ALK: variants seen among roughly 807,000 people sequenced by gnomAD.
The protein encoded by ALK is ALK tyrosine kinase receptor.
In ALK, 74 loss-of-function variants were observed where a neutral mutation model predicts 163.1. The observed-to-expected ratio is 0.45, with a 90% CI of 0.38 to 0.55. The LOEUF (loss-of-function observed/expected upper bound fraction) is 0.55. Among genes scored for constraint, ALK ranks in the 20% least tolerant of loss-of-function variants. The probability of loss-of-function intolerance (pLI) is 0.00; values close to 1 mark genes in which losing one functional copy is unlikely to be tolerated. For synonymous variants in ALK, 960 were observed against 843.2 expected, an observed-to-expected ratio of 1.14 and a Z score of -2.40; for missense variants, 2,063 against 2,105.3, an observed-to-expected ratio of 0.98 and a Z score of 0.39.
At chr2:29,395,032 C>T (rs1486354079) in intron 4 of ALK, among the ~76,000 whole-genome samples, 3 of 152,156 alleles carry the variant, frequency 2.0e-5, no homozygotes, top group Admixed American at 1.3e-4. Flanking sequence ...TCATCCAGGG[C>T]CCCCACTTCA....
At chr2:29,539,492 C>T (rs1558374589) in intron 3 of ALK, among the ~76,000 whole-genome samples, 1 of 152,182 alleles carries the variant, frequency 6.6e-6, no homozygotes, top group East Asian at 1.9e-4. Flanking sequence ...AATCTACAGA[C>T]AATTATTGTT....
At chr2:29,697,502 A>G (rs760876471) in intron 2 of ALK, among the ~76,000 whole-genome samples, 4 of 152,024 alleles carry the variant, frequency 2.6e-5, no homozygotes, top group Non-Finnish European at 5.9e-5. Context: ...CTCATTGTCC[A>G]CTCCCCAAAG....
chr2:29,543,983 G>A (rs2148168649), intron 3 of ALK, among the ~76,000 whole-genome samples: 1 of 152,262 alleles, frequency 6.6e-6, no homozygotes, highest in East Asian at 1.9e-4. Flanking sequence ...ATGCATGGAT[G>A]GATGGATTTC....
chr2:29,242,630 C>G (rs1218274884), intron 12 of ALK, among the ~76,000 whole-genome samples: 1 of 152,138 alleles, frequency 6.6e-6, no homozygotes, highest in African/African-American at 2.4e-5. Context: ...TCTGCTGGTT[C>G]TTGTCCCCGT....
chr2:29,877,053 A>G (rs113758378), intron 1 of ALK, among the ~76,000 whole-genome samples: 14 of 152,334 alleles, frequency 9.2e-5, no homozygotes, highest in East Asian at 3.9e-4. Flanking sequence ...AGCTAATCCA[A>G]TCCAACATAT....
chr2:29,430,678 A>G (rs1214704979), intron 4 of ALK, among the ~76,000 whole-genome samples: 1 of 152,236 alleles, frequency 6.6e-6, no homozygotes. Context: ...AATGGAATCT[A>G]TGGGCATACC....
intron 1 of ALK, among the ~76,000 whole-genome samples, chr2:29,742,649 A>G (rs1413314667): frequency 5.3e-5 from 8 of 152,350 alleles, no homozygotes; most frequent in Non-Finnish European, 1.0e-4. Flanking sequence ...ACCATAGCTC[A>G]GGGCCAGGGA....
At chr2:29,438,557 T>A (rs1055399590) in intron 4 of ALK, among the ~76,000 whole-genome samples, 12 of 152,186 alleles carry the variant, frequency 7.9e-5, no homozygotes, top group African/African-American at 2.9e-4. Flanking sequence ...TTCAAACATT[T>A]TAAAATTCAA....
In ALK at chr2:29,629,649, CAAT is replaced by C. The variant is rs1368414544; in HGVS notation, c.952+65198_952+65200del. On this transcript the variant is annotated intron_variant, in intron 3 of 28. Coordinates refer to ENST00000389048, the MANE Select transcript of ALK (RefSeq NM_004304.5). ...ATTAAGCACTGTCTTTCAACCACAA[CAAT>C]GTTAATACCATCTAACATTACTGAG... Among the ~76,000 whole-genome samples the C allele has an allele frequency of 3.9e-5, 6 of 152,290 alleles. No homozygotes were observed. The East Asian group carries it at 7.7e-4, about 20-fold the overall frequency.
chr2:29,293,852 C>T (rs1157696110), intron 9 of ALK, among the ~76,000 whole-genome samples: 1 of 14,272 alleles, frequency 7.0e-5, no homozygotes, highest in Non-Finnish European at 4.4e-4. Flanking sequence ...TTTCCAATAC[C>T]GTTGACTAGA....
intron 4 of ALK, among the ~76,000 whole-genome samples, chr2:29,470,384 G>C (rs1198257552): frequency 3.3e-5 from 5 of 152,120 alleles, no homozygotes; most frequent in Non-Finnish European, 5.9e-5. Flanking sequence ...ACTTCTCTGT[G>C]AGTCCCACAT....
At chr2:29,235,856 C>CTTTT (rs569363324) in intron 13 of ALK, among the ~76,000 whole-genome samples, 801 of 38,266 alleles carry the variant, frequency 0.021, 149 homozygotes, top group Non-Finnish European at 0.028. Context: ...CCAGGCTCGA[C>CTTTT]TTTTTTTTTT....
rs547185553 is a variant in ALK at position 29,232,742 on chromosome 2, T to C, written c.2488-294A>G. Among the ~76,000 whole-genome samples the C allele has an allele frequency of 2.0e-5, 3 of 152,328 alleles. No homozygotes were observed. The East Asian group carries it at 5.8e-4, about 29-fold the overall frequency. Reference sequence around the variant, plus strand: ...CTTAGAGGCTGCTTCCTCTACTTCCTCTAGCCCCTTTCCTGAAGCTCCTTA... The same window carrying C: ...CTTAGAGGCTGCTTCCTCTACTTCCCCTAGCCCCTTTCCTGAAGCTCCTTA... On this transcript the variant is annotated intron_variant, in intron 14 of 28. Transcript: ENST00000389048.
At chr2:29,357,380 A>G (rs7583696) in intron 5 of ALK, among the ~76,000 whole-genome samples, 150,807 of 152,294 alleles carry the variant, frequency 0.99, 74,684 homozygotes, top group East Asian at 1. Flanking sequence ...GGCAGGGCTC[A>G]GCTCACGCTG....
intron 1 of ALK, among the ~76,000 whole-genome samples, chr2:29,852,765 G>A (rs1666029715): frequency 6.6e-6 from 1 of 151,936 alleles, no homozygotes; most frequent in Non-Finnish European, 1.5e-5. Context: ...GAGGTGATTA[G>A]GTCATCAGGG....
intron 11 of ALK, among the ~76,000 whole-genome samples, chr2:29,266,384 G>A (rs1336667081): frequency 1.3e-5 from 2 of 152,152 alleles, no homozygotes; most frequent in Non-Finnish European, 2.9e-5. Flanking sequence ...ACAAAAGTGT[G>A]CACAACTCAT....
chr2:29,201,781 TA>T (rs34316026), intron 26 of ALK, among the ~76,000 whole-genome samples: 67,140 of 138,262 alleles, frequency 0.49, 16,745 homozygotes, highest in East Asian at 0.79. Flanking sequence ...AATGACAGTC[TA>T]AAAAAAAAAA....
At chr2:29,233,765 T>G in intron 13 of ALK, 69 bp from the exon 14 acceptor site, 1 of 1,604,186 alleles carries the variant, frequency 6.2e-7, no homozygotes, top group Non-Finnish European at 8.5e-7. Flanking sequence ...CAGACAGAAC[T>G]TCTATGCTTA....
Position 29,383,717 on chromosome 2 carries a change from G to T in ALK, c.1282+15C>A. 6.2e-7 allele frequency: 1 copy of T among 1,614,042 alleles called. No individual in the cohort carries two copies. Among genetic ancestry groups the T allele is most frequent in the South Asian group, 1.1e-5 (1 of 91,076 alleles). ...ATAGGCTACCAAGGAGCGTGGGAAA[G>T]CCAGATTCAGATACCTTCACTGCAG... On this transcript the variant is annotated intron_variant, in intron 5 of 28. Transcript: ENST00000389048.
Sources: allele counts gnomAD v4.1 joint callset (sites outside exome capture counted in the v4.1 genomes callset), GRCh38; gene constraint gnomAD v4.1.1; transcripts MANE v1.5; gene names NCBI Gene and HGNC (gene_info 2026-07-23, HGNC 2026-07-21).